The following KIAA1217 variants were observed in gnomAD, a reference collection of about 807,000 sequenced individuals.
The protein encoded by KIAA1217 is sickle tail protein homolog.
In KIAA1217, 88 loss-of-function variants were observed where a neutral mutation model predicts 163.9. The ratio of observed to expected loss-of-function variants is 0.54; its 90% CI spans 0.45 to 0.64. The LOEUF is 0.64. Ranked by LOEUF, KIAA1217 falls within the 30% of genes least tolerant of loss-of-function variation. The probability of loss-of-function intolerance (pLI) is 0.00; values close to 1 mark genes in which losing one functional copy is unlikely to be tolerated. For synonymous variants in KIAA1217, 903 were observed against 923.1 expected, an observed-to-expected ratio of 0.98 and a Z score of 0.39; for missense variants, 2,372 against 2,475.0, an observed-to-expected ratio of 0.96 and a Z score of 0.88.
At position 24,444,963 on chromosome 10, in the gene KIAA1217, A is replaced by G. The variant is rs1048055812; in HGVS notation, c.846+6484A>G. On this transcript the variant is annotated intron_variant, in intron 5 of 20. Transcript: ENST00000376454. ...TACTTTGACTTCTTTTTTCTGTAAA[A>G]CTGTAAAAATGTATAGGAACTCTAT... is the stretch of plus-strand genomic sequence containing the variant. Among the ~76,000 whole-genome samples the G allele has an allele frequency of 6.6e-5, 10 of 152,192 alleles. 2 individuals are homozygous for G. The highest frequency in any genetic ancestry group is 2.0e-4 in the Admixed American group (3 of 15,294).
At chr10:24,344,446 C>G (rs191385004) in intron 2 of KIAA1217, among the ~76,000 whole-genome samples, 1 of 152,182 alleles carries the variant, frequency 6.6e-6, no homozygotes. Flanking sequence ...CAGTTGAGAC[C>G]TATTCCTTCT....
At chr10:24,095,417 CA>C (rs1400371966) in intron 2 of KIAA1217, among the ~76,000 whole-genome samples, 1 of 152,152 alleles carries the variant, frequency 6.6e-6, no homozygotes, top group Non-Finnish European at 1.5e-5. Context: ...TCTATAGCTT[CA>C]TGAGGACTTG....
At chr10:24,166,705 T>C (rs1029138983) in intron 2 of KIAA1217, among the ~76,000 whole-genome samples, 1 of 152,184 alleles carries the variant, frequency 6.6e-6, no homozygotes, top group Admixed American at 6.5e-5. Context: ...GCCACTTCAC[T>C]TCCAGCCTGA....
intron 4 of KIAA1217, among the ~76,000 whole-genome samples, chr10:24,435,953 T>G (rs1371593309): frequency 6.6e-6 from 1 of 151,874 alleles, no homozygotes; most frequent in Non-Finnish European, 1.5e-5. Context: ...CACCACCTCC[T>G]GGGTTCAAGT....
chr10:24,473,672 T>C lies in KIAA1217; in HGVS notation c.1291T>C (p.Ser431Pro). 1 of 1,614,042 alleles carries C rather than the reference T, an allele frequency of 6.2e-7. No homozygotes were observed. The highest frequency in any genetic ancestry group is 1.3e-5 in the African/African-American group (1 of 75,012). Residue 431 changes from serine (S) to proline (P), a missense_variant, in exon 6 of 21, where the codon TCA (serine) becomes CCA (proline). Ser to Pro is a moderately conservative substitution (Grantham distance 74). Coordinates refer to ENST00000376454, the MANE Select transcript of KIAA1217 (RefSeq NM_019590.5). ...IIAYHRTAIR[S>P]ASAYCNPSMQ... ...TGCATATCACCGCACCGCCATCCGGTCAGCGAGTGCTTATTGTAACCCCTC... is the reference window on the plus strand; with the variant it reads ...TGCATATCACCGCACCGCCATCCGGCCAGCGAGTGCTTATTGTAACCCCTC...
chr10:24,126,046 C>T (rs1165246425), intron 2 of KIAA1217, among the ~76,000 whole-genome samples: 3 of 152,226 alleles, frequency 2.0e-5, no homozygotes, highest in Non-Finnish European at 4.4e-5. Context: ...CTTCATTCCT[C>T]CTTGTCTCAA....
intron 2 of KIAA1217, among the ~76,000 whole-genome samples, chr10:24,194,615 C>A (rs75703288): frequency 0.063 from 9,572 of 151,462 alleles, 407 homozygotes; most frequent in Middle Eastern, 0.088. Context: ...GCTCTGTCAA[C>A]CAGACTGAAG....
chr10:24,014,080 TTAA>T (rs1847371770), intron 2 of KIAA1217, among the ~76,000 whole-genome samples: 1 of 152,194 alleles, frequency 6.6e-6, no homozygotes. Context: ...TCTGCAGAGC[TTAA>T]TGACATCATT....
Position 24,026,742 on chromosome 10 carries a change from A to ATTT in KIAA1217, c.-171+19387_-171+19389dup. Among the ~76,000 whole-genome samples, 606 of 70,012 alleles carry ATTT rather than the reference A, an allele frequency of 8.7e-3. 5 individuals carry two copies. Among genetic ancestry groups the ATTT allele is most frequent in the Middle Eastern group, 0.026 (2 of 76 alleles). 45.9% of individuals were successfully genotyped at this position (70,012 alleles called of 152,430 possible). A position where few individuals can be genotyped will look rare whatever the true frequency, so the allele number is the denominator to read the frequency against. ...TTGCTTTCTATTATCTATTTCATTG[A>ATTT]TTTTTTTTTTTTTTTTTTTTTGCTC... On this transcript the variant is annotated intron_variant, in intron 2 of 18. Coordinates refer to the KIAA1217 transcript ENST00000376462.
chr10:23,932,426 A>T (rs1180496649), intron 1 of KIAA1217, among the ~76,000 whole-genome samples: 1 of 151,772 alleles, frequency 6.6e-6, no homozygotes, highest in African/African-American at 2.4e-5. Context: ...AAAAAAAAAA[A>T]GTGCAACTTT....
chr10:23,723,159 A>G (rs1312711441), intron 1 of KIAA1217, among the ~76,000 whole-genome samples: 2 of 152,122 alleles, frequency 1.3e-5, no homozygotes, highest in Non-Finnish European at 2.9e-5. Context: ...GGCCGTGACC[A>G]CTTTAGCCTG....
intron 5 of KIAA1217, among the ~76,000 whole-genome samples, chr10:24,467,720 T>G (rs1466055977): frequency 6.6e-6 from 1 of 152,074 alleles, no homozygotes; most frequent in Non-Finnish European, 1.5e-5. Context: ...GATGATAAGA[T>G]TAGTAGCATC....
intron 2 of KIAA1217, among the ~76,000 whole-genome samples, chr10:24,172,688 T>C (rs1240006601): frequency 6.6e-6 from 1 of 152,200 alleles, no homozygotes; most frequent in Non-Finnish European, 1.5e-5. Flanking sequence ...AAATAACCTG[T>C]TGAAGATCTG....
intron 6 of KIAA1217, among the ~76,000 whole-genome samples, chr10:24,489,651 CAGG>C (rs1476338242): frequency 6.6e-6 from 1 of 151,700 alleles, no homozygotes; most frequent in African/African-American, 2.4e-5. Flanking sequence ...CGCTTGAGTC[CAGG>C]AGATCAAGAC....
At chr10:24,447,332 C>T (rs1490995549) in intron 5 of KIAA1217, among the ~76,000 whole-genome samples, 5 of 152,118 alleles carry the variant, frequency 3.3e-5, no homozygotes, top group Admixed American at 2.6e-4. Flanking sequence ...TGGTGTGCTG[C>T]ACCCATTAAC....
At chr10:23,967,627 G>C (rs1845121388) in intron 1 of KIAA1217, among the ~76,000 whole-genome samples, 2 of 152,094 alleles carry the variant, frequency 1.3e-5, no homozygotes, top group Non-Finnish European at 2.9e-5. Context: ...CCTCTACTGT[G>C]CTGGTAGAAG....
At chr10:24,077,018 A>G (rs916447001) in intron 2 of KIAA1217, among the ~76,000 whole-genome samples, 1 of 151,946 alleles carries the variant, frequency 6.6e-6, no homozygotes, top group Non-Finnish European at 1.5e-5. Context: ...CAGGGATTAC[A>G]GGCATGCACC....
chr10:24,396,622 A>T (rs566737869), intron 3 of KIAA1217, among the ~76,000 whole-genome samples: 1 of 152,286 alleles, frequency 6.6e-6, no homozygotes, highest in African/African-American at 2.4e-5. Context: ...GACCTGGAGC[A>T]TGTGAAGATG....
intron 2 of KIAA1217, among the ~76,000 whole-genome samples, chr10:24,284,331 T>C (rs1022036269): frequency 6.6e-6 from 1 of 152,222 alleles, no homozygotes; most frequent in Non-Finnish European, 1.5e-5. Flanking sequence ...GTCACCCAGA[T>C]AGTGAACACA....
Sources: allele counts gnomAD v4.1 joint callset (sites outside exome capture counted in the v4.1 genomes callset), GRCh38; gene constraint gnomAD v4.1.1; transcripts MANE v1.5; gene names NCBI Gene and HGNC (gene_info 2026-07-23, HGNC 2026-07-21).